The following DOCK9 variants were observed in gnomAD, a reference collection of about 807,000 sequenced individuals.
DOCK9 encodes the protein dedicator of cytokinesis protein 9.
DOCK9 carries 89 observed loss-of-function variants against 263.3 expected under a neutral mutation model. The ratio of observed to expected loss-of-function variants is 0.34; its 90% CI spans 0.28 to 0.40. DOCK9 has a LOEUF of 0.40. DOCK9 is among the 10% of genes least tolerant of loss of function. DOCK9 has a pLI of 1.00. For synonymous variants in DOCK9, 976 were observed against 973.1 expected (o/e 1.00, Z -0.06); for missense variants, 2,140 against 2,603.4 (o/e 0.82, Z 3.87).
chr13:99,073,008 A>T (rs2041748926), intron 1 of DOCK9, among the ~76,000 whole-genome samples: 1 of 152,080 alleles, frequency 6.6e-6, no homozygotes, highest in Admixed American at 6.6e-5. Flanking sequence ...AAGAAAAAAG[A>T]ATTCCAGGAA....
At chr13:98,816,433 G>A (rs1376682869) in intron 45 of DOCK9, among the ~76,000 whole-genome samples, 6 of 152,036 alleles carry the variant, frequency 3.9e-5, no homozygotes, top group African/African-American at 1.4e-4. Context: ...TGCGAGCAAC[G>A]GGTACTGATT....
chr13:99,069,439 T>G (rs972917358), intron 1 of DOCK9, among the ~76,000 whole-genome samples: 1 of 152,230 alleles, frequency 6.6e-6, no homozygotes, highest in Admixed American at 6.5e-5. Context: ...AGATCCATGG[T>G]GCAAATAGAT....
At chr13:99,040,788 C>G (rs983930448) in intron 1 of DOCK9, among the ~76,000 whole-genome samples, 3 of 152,192 alleles carry the variant, frequency 2.0e-5, no homozygotes, top group African/African-American at 7.2e-5. Context: ...TGACCAACCC[C>G]TTCCTGACTC....
At chr13:98,937,731 C>A (rs2055126398) in intron 2 of DOCK9, among the ~76,000 whole-genome samples, 2 of 142,648 alleles carry the variant, frequency 1.4e-5, no homozygotes, top group Admixed American at 7.1e-5. Context: ...TTTTTTTTAA[C>A]AGAATGAGCT....
At chr13:98,984,343 C>T (rs1322018155) in intron 1 of DOCK9, among the ~76,000 whole-genome samples, 2 of 152,224 alleles carry the variant, frequency 1.3e-5, no homozygotes, top group East Asian at 3.8e-4. Context: ...GCACAGTCTA[C>T]TCATTTGTTG....
At chr13:98,933,881 TG>T (rs1342213370) in intron 2 of DOCK9, among the ~76,000 whole-genome samples, 21 of 89,502 alleles carry the variant, frequency 2.3e-4, no homozygotes, top group Non-Finnish European at 5.2e-4. Flanking sequence ...TTGTTGTTGT[TG>T]TTGTTGTTGT....
chr13:98,888,105 G>C, intron 18 of DOCK9, 53 bp downstream of exon 18: 3 of 1,334,750 alleles, frequency 2.2e-6, no homozygotes, highest in Non-Finnish European at 3.1e-6. Context: ...AGTGCATTTT[G>C]AAAATGGAAA....
intron 45 of DOCK9, among the ~76,000 whole-genome samples, chr13:98,820,896 G>C (rs1187792522): frequency 6.6e-6 from 1 of 152,108 alleles, no homozygotes; most frequent in Non-Finnish European, 1.5e-5. Context: ...ACTCAAGATG[G>C]AGTCAGTCTG....
chr13:99,016,608 A>C (rs1476078281), intron 1 of DOCK9, among the ~76,000 whole-genome samples: 1 of 152,214 alleles, frequency 6.6e-6, no homozygotes, highest in Admixed American at 6.5e-5. Flanking sequence ...ACTCAGTGAC[A>C]CTACACTACC....
chr13:99,005,334 T>C (rs752214756), intron 1 of DOCK9, among the ~76,000 whole-genome samples: 1 of 152,244 alleles, frequency 6.6e-6, no homozygotes, highest in Non-Finnish European at 1.5e-5. Context: ...AGTCTGTTTA[T>C]TCTATCTTTA....
At chr13:99,084,735 T>C (rs2042263026) in intron 1 of DOCK9, among the ~76,000 whole-genome samples, 1 of 152,224 alleles carries the variant, frequency 6.6e-6, no homozygotes, top group South Asian at 2.1e-4. Context: ...TTTACTCTTC[T>C]TCTGCCTCAA....
At chr13:98,868,086 T>C in intron 28 of DOCK9, 75 bp from the exon 29 acceptor site, 3 of 1,548,574 alleles carry the variant, frequency 1.9e-6, no homozygotes, top group African/African-American at 2.7e-5. Flanking sequence ...GCAGCATTTA[T>C]TGCTAATAAG....
At chr13:99,027,662 T>C (rs1434808013) in intron 1 of DOCK9, among the ~76,000 whole-genome samples, 2 of 152,212 alleles carry the variant, frequency 1.3e-5, no homozygotes, top group African/African-American at 2.4e-5. Context: ...ACAATTGCAA[T>C]TACAACCTGT....
intron 34 of DOCK9, among the ~76,000 whole-genome samples, chr13:98,854,349 G>C (rs1407947208): frequency 6.6e-6 from 1 of 151,724 alleles, no homozygotes; most frequent in Middle Eastern, 3.2e-3. Flanking sequence ...AAAAACAATA[G>C]TGGAAAAAAG....
chr13:98,967,018 C>T (rs1288497109), intron 1 of DOCK9, among the ~76,000 whole-genome samples: 3 of 152,238 alleles, frequency 2.0e-5, no homozygotes, highest in Non-Finnish European at 4.4e-5. Flanking sequence ...TCAGACGATT[C>T]TGGTGCCCAT....
At position 98,800,346 on chromosome 13, in the gene DOCK9, G is replaced by A. The variant is rs368761374; in HGVS notation, c.5858C>T (p.Ser1953Leu). ...KVAELRQLCS[S>L]AEVDMIKLQL... is the part of the protein sequence containing the mutation. ...CAGTTTGATCATGTCCACCTCGGCCGAGGAGCACAGCTGCCGGAGCTCCGC... is the reference window on the plus strand; with the variant it reads ...CAGTTTGATCATGTCCACCTCGGCCAAGGAGCACAGCTGCCGGAGCTCCGC... Residue 1953 changes from serine (S) to leucine (L), a missense_variant, in exon 50 of 53, where the codon TCG becomes TTG. Ser to Leu is a moderately radical substitution (Grantham distance 145, BLOSUM62 -2). Coordinates refer to ENST00000682017, the MANE Select transcript of DOCK9 (RefSeq NM_001366683.2). 48 of 1,612,942 alleles carry A rather than the reference G, an allele frequency of 3.0e-5. No individual in the cohort carries two copies. The highest frequency in any genetic ancestry group is 8.8e-5 in the South Asian group (8 of 90,760).
chr13:98,970,160 T>G (rs2059596350), intron 1 of DOCK9, among the ~76,000 whole-genome samples: 1 of 151,910 alleles, frequency 6.6e-6, no homozygotes, highest in Non-Finnish European at 1.5e-5. Context: ...CTGGGTTAAT[T>G]TTTTTATTTT....
intron 39 of DOCK9, chr13:98,832,238 C>T: frequency 6.2e-6 from 1 of 161,240 alleles, no homozygotes. Flanking sequence ...GCCTCTAAGG[C>T]ACTCTGCTAA....
intron 2 of DOCK9, among the ~76,000 whole-genome samples, chr13:98,954,225 A>T (rs1460043666): frequency 6.6e-6 from 1 of 152,106 alleles, no homozygotes; most frequent in Non-Finnish European, 1.5e-5. Flanking sequence ...GGAATCAAAC[A>T]ACAAAGAATC....
Sources: gnomAD v4.1 joint callset for allele counts (sites outside exome capture counted in the v4.1 genomes callset) on GRCh38, gnomAD v4.1.1 for gene constraint, MANE v1.5 for transcripts, NCBI Gene and HGNC (gene_info 2026-07-23, HGNC 2026-07-21) for gene names.